SMARCC1: variants seen among roughly 807,000 people sequenced by gnomAD.
The protein encoded by SMARCC1 is SWI/SNF complex subunit SMARCC1.
SMARCC1 carries 43 observed loss-of-function variants against 147.4 expected under a neutral mutation model. That is an observed-to-expected ratio of 0.29 (90% confidence interval 0.23 to 0.38). The LOEUF (loss-of-function observed/expected upper bound fraction) is 0.38, where lower values mean the gene tolerates loss of function less well. SMARCC1 is among the 10% of genes least tolerant of loss of function. The pLI is 1.00. For missense variants in SMARCC1, 1,119 were observed against 1,381.1 expected (o/e 0.81, Z 3.01); for synonymous variants, 495 against 484.4 (o/e 1.02, Z -0.29).
chr3:47,738,470 G>C (rs1238591209), intron 3 of SMARCC1, among the ~76,000 whole-genome samples: 1 of 152,152 alleles, frequency 6.6e-6, no homozygotes, highest in East Asian at 1.9e-4. Flanking sequence ...TGGATCAAGA[G>C]ATCAAGAGTT....
chr3:47,761,903 G>GCT lies in SMARCC1; in HGVS notation c.315+10913_315+10914insAG, dbSNP rs2034778696. ...GGCTCACTGCAACCTCTGCCTCTCA[G>GCT]GTTCAAGCTATTCTCCTGCCTCAGC... On this transcript the variant is annotated intron_variant, in intron 2 of 27. Transcript: ENST00000254480. 4.6e-5 allele frequency among the ~76,000 whole-genome samples: 7 copies of GCT among 152,210 alleles called. No individual in the cohort carries two copies. In the South Asian group the frequency reaches 1.2e-3, roughly 27 times the overall value.
chr3:47,714,229 T>G (rs966035810), intron 8 of SMARCC1, among the ~76,000 whole-genome samples, 186 bp downstream of exon 8: 7 of 152,176 alleles, frequency 4.6e-5, no homozygotes, highest in African/African-American at 1.7e-4. Context: ...CCTAACGTGG[T>G]GGCGTGTGCC....
chr3:47,703,182 C>T (rs910191793), intron 10 of SMARCC1, among the ~76,000 whole-genome samples: 7 of 152,152 alleles, frequency 4.6e-5, no homozygotes, highest in Admixed American at 1.3e-4. Flanking sequence ...AATCTGCCCA[C>T]CTCAGCCTCC....
intron 21 of SMARCC1, among the ~76,000 whole-genome samples, chr3:47,642,993 C>T (rs2033069030): frequency 6.6e-6 from 1 of 152,174 alleles, no homozygotes; most frequent in South Asian, 2.1e-4. Context: ...CTGCAGAGAG[C>T]TTTGATCACA....
intron 25 of SMARCC1, among the ~76,000 whole-genome samples, chr3:47,612,815 A>G (rs2032582129): frequency 6.6e-6 from 1 of 152,182 alleles, no homozygotes; most frequent in Non-Finnish European, 1.5e-5. Context: ...GTTTAAACCA[A>G]AAGTTCCAAT....
chr3:47,726,503 C>T (rs1289573604), intron 6 of SMARCC1, among the ~76,000 whole-genome samples: 1 of 152,122 alleles, frequency 6.6e-6, no homozygotes, highest in Non-Finnish European at 1.5e-5. Flanking sequence ...ATAAAATTTA[C>T]CATTTTAACC....
chr3:47,607,256 G>A lies in SMARCC1; in HGVS notation c.3043+2810C>T, dbSNP rs533661601. 2.0e-5 allele frequency among the ~76,000 whole-genome samples: 3 copies of A among 152,308 alleles called. No homozygotes were observed. The South Asian group carries it at 6.2e-4, about 32-fold the overall frequency. On this transcript the variant is annotated intron_variant, in intron 26 of 27. Transcript: ENST00000254480. Reference sequence around the variant, plus strand: ...TAGAGTGGCAAGTCTGACGATGGTAGTAATTCTTATGATTGCAAATTAATC... The same window carrying A: ...TAGAGTGGCAAGTCTGACGATGGTAATAATTCTTATGATTGCAAATTAATC...
At chr3:47,679,879 A>AG (rs1205160907) in intron 15 of SMARCC1, among the ~76,000 whole-genome samples, 1 of 150,500 alleles carries the variant, frequency 6.6e-6, no homozygotes, top group African/African-American at 2.4e-5. Flanking sequence ...AAAAAAAAAA[A>AG]GGAAGAAAGA....
intron 7 of SMARCC1, among the ~76,000 whole-genome samples, chr3:47,716,034 G>A (rs1008053060): frequency 6.6e-6 from 1 of 150,568 alleles, no homozygotes; most frequent in Non-Finnish European, 1.5e-5. Context: ...TCACTATACT[G>A]ACCAGTAAAC....
intron 26 of SMARCC1, chr3:47,603,754 C>A: frequency 3.6e-6 from 1 of 279,442 alleles, no homozygotes; most frequent in Non-Finnish European, 7.0e-6. Flanking sequence ...TCATTAAGAT[C>A]AACAAAACCT....
intron 26 of SMARCC1, among the ~76,000 whole-genome samples, chr3:47,592,237 T>C (rs2032196252): frequency 6.6e-6 from 1 of 152,244 alleles, no homozygotes. Flanking sequence ...AGCCAGATAG[T>C]AAATATTTTA....
At position 47,671,184 on chromosome 3, in the gene SMARCC1, A is replaced by C. The variant is rs1183512798; in HGVS notation, c.1840-467T>G. ...GAGCGAGACTATCTCAAAAAAAAAA[A>C]AAAAAAAAAAAAAACACACACAAAA... On this transcript the variant is annotated intron_variant, in intron 18 of 27. Transcript: ENST00000254480. 3.7e-4 allele frequency among the ~76,000 whole-genome samples: 54 copies of C among 145,210 alleles called. 2 individuals are homozygous for C. Among genetic ancestry groups the C allele is most frequent in the African/African-American group, 1.3e-3 (50 of 38,862 alleles).
chr3:47,602,203 G>A (rs2032398526), intron 26 of SMARCC1, among the ~76,000 whole-genome samples: 1 of 152,078 alleles, frequency 6.6e-6, no homozygotes, highest in South Asian at 2.1e-4. Context: ...GAGGTGAGAG[G>A]ATTGCTTGAG....
chr3:47,778,880 C>T (rs1394858213), intron 1 of SMARCC1, among the ~76,000 whole-genome samples: 1 of 151,708 alleles, frequency 6.6e-6, no homozygotes, highest in Admixed American at 6.6e-5. Flanking sequence ...CCCAGGTACT[C>T]AGGAGGCTGA....
chr3:47,612,949 C>T (rs1285018017), intron 25 of SMARCC1, among the ~76,000 whole-genome samples: 1 of 152,112 alleles, frequency 6.6e-6, no homozygotes, highest in East Asian at 1.9e-4. Context: ...GTACTGGCCT[C>T]GTCATGCAAA....
intron 2 of SMARCC1, among the ~76,000 whole-genome samples, chr3:47,747,823 G>C (rs943130217): frequency 6.6e-6 from 1 of 151,124 alleles, no homozygotes. Flanking sequence ...GAAATATAAG[G>C]ATAGTGGACT....
intron 9 of SMARCC1, among the ~76,000 whole-genome samples, chr3:47,710,338 A>C (rs749691619): frequency 6.6e-6 from 1 of 152,130 alleles, no homozygotes; most frequent in African/African-American, 2.4e-5. Context: ...TATACATACT[A>C]AACAAAATGA....
At chr3:47,724,500 C>T (rs1372511364) in intron 6 of SMARCC1, among the ~76,000 whole-genome samples, 2 of 152,194 alleles carry the variant, frequency 1.3e-5, no homozygotes, top group Non-Finnish European at 2.9e-5. Flanking sequence ...CCATGAGCTA[C>T]GTGCAGCCAA....
intron 19 of SMARCC1, among the ~76,000 whole-genome samples, chr3:47,666,977 A>G (rs533368804): frequency 1.9e-4 from 29 of 152,184 alleles, no homozygotes; most frequent in Non-Finnish European, 3.2e-4. Flanking sequence ...TGGTTACTGA[A>G]TATCTTCTAA....
Sources: allele counts gnomAD v4.1 joint callset (sites outside exome capture counted in the v4.1 genomes callset), GRCh38; gene constraint gnomAD v4.1.1; transcripts MANE v1.5; gene names NCBI Gene and HGNC (gene_info 2026-07-23, HGNC 2026-07-21).